The following ZRANB3 variants were observed in gnomAD, a reference collection of about 807,000 sequenced individuals.
ZRANB3 encodes DNA annealing helicase and endonuclease ZRANB3.
A neutral mutation model predicts 133.8 loss-of-function variants in ZRANB3; 125 were observed. That is an observed-to-expected ratio of 0.93 (90% CI 0.81 to 1.08). ZRANB3 has a LOEUF of 1.08. Ranked by LOEUF, ZRANB3 falls within the 50% of genes least tolerant of loss-of-function variation. ZRANB3 has a pLI of 0.00. For synonymous variants in ZRANB3, 387 were observed against 432.7 expected (o/e 0.89, Z 1.31); for missense variants, 1,229 against 1,275.5 (o/e 0.96, Z 0.56).
At chr2:135,316,829 G>C (rs940446039) in intron 6 of ZRANB3, among the ~76,000 whole-genome samples, 3 of 151,902 alleles carry the variant, frequency 2.0e-5, no homozygotes, top group African/African-American at 7.2e-5. Context: ...AGCCAGGCAT[G>C]GTGGTGTGTG....
intron 2 of ZRANB3, among the ~76,000 whole-genome samples, chr2:135,502,259 AAAG>A (rs931476667): frequency 6.6e-6 from 1 of 152,206 alleles, no homozygotes; most frequent in Non-Finnish European, 1.5e-5. Context: ...AGCTTCCAAA[AAAG>A]AAGACTTAAG....
chr2:135,524,843 T>A (rs1376016647), intron 1 of ZRANB3, among the ~76,000 whole-genome samples: 1 of 152,150 alleles, frequency 6.6e-6, no homozygotes, highest in Non-Finnish European at 1.5e-5. Context: ...AATTATTTAA[T>A]AAATGGTATT....
intron 3 of ZRANB3, among the ~76,000 whole-genome samples, chr2:135,367,693 T>G (rs1256455849): frequency 6.6e-6 from 1 of 152,220 alleles, no homozygotes; most frequent in Non-Finnish European, 1.5e-5. Flanking sequence ...AAATTGTTTC[T>G]GCATTAAACA....
chr2:135,348,257 T>C (rs1046966754), intron 5 of ZRANB3, among the ~76,000 whole-genome samples: 1 of 141,810 alleles, frequency 7.1e-6, no homozygotes, highest in Non-Finnish European at 1.5e-5. Flanking sequence ...AGACTCTGTC[T>C]CAAAAAAAAA....
intron 8 of ZRANB3, among the ~76,000 whole-genome samples, chr2:135,294,171 T>A (rs1253139599): frequency 6.6e-6 from 1 of 152,244 alleles, no homozygotes; most frequent in Admixed American, 6.5e-5. Flanking sequence ...GAAGGAATGG[T>A]ACCAGCTCTT....
intron 12 of ZRANB3, among the ~76,000 whole-genome samples, chr2:135,253,526 A>AGT (rs1301311144): frequency 6.6e-6 from 1 of 152,162 alleles, no homozygotes; most frequent in Non-Finnish European, 1.5e-5. Flanking sequence ...AACATCATAG[A>AGT]GTGTACTTCA....
chr2:135,497,089 C>T (rs997956588), intron 2 of ZRANB3, among the ~76,000 whole-genome samples: 5 of 151,946 alleles, frequency 3.3e-5, no homozygotes, highest in South Asian at 2.1e-4. Flanking sequence ...TACAGGACAC[C>T]GAAAGAGCAA....
intron 8 of ZRANB3, among the ~76,000 whole-genome samples, chr2:135,292,589 CTTTAG>C (rs1681811214): frequency 6.6e-6 from 1 of 152,160 alleles, no homozygotes; most frequent in South Asian, 2.1e-4. Flanking sequence ...TGCAGAAGCT[CTTTAG>C]TTTAATTAGA....
intron 2 of ZRANB3, among the ~76,000 whole-genome samples, chr2:135,405,302 G>C (rs903098754): frequency 1.3e-5 from 2 of 152,156 alleles, no homozygotes; most frequent in Non-Finnish European, 2.9e-5. Context: ...CAATACAGGA[G>C]CACCCAGATT....
chr2:135,526,336 G>T (rs551419038), intron 1 of ZRANB3, among the ~76,000 whole-genome samples: 1 of 151,936 alleles, frequency 6.6e-6, no homozygotes, highest in East Asian at 1.9e-4. Flanking sequence ...GCTAATTTTT[G>T]TATTTTGAGT....
At position 135,343,477 on chromosome 2, in the gene ZRANB3, TTAAG is replaced by T. The variant is rs1684787782; in HGVS notation, c.677+2069_677+2072del. 1.3e-5 allele frequency among the ~76,000 whole-genome samples: 2 copies of T among 149,746 alleles called. 1 individual carries two copies. The highest frequency in any genetic ancestry group is 5.1e-5 in the African/African-American group (2 of 39,166). ...TGTGCTATCTTGTCTGATTTTGGTA[TTAAG>T]TGTTAGACTGACTTCATAGAAACAA... On this transcript the variant is annotated intron_variant, in intron 6 of 20. Transcript: ENST00000264159.
intron 12 of ZRANB3, among the ~76,000 whole-genome samples, chr2:135,253,232 T>G (rs1679488540): frequency 6.6e-6 from 1 of 152,208 alleles, no homozygotes; most frequent in African/African-American, 2.4e-5. Flanking sequence ...TGGTAGGGCC[T>G]GCCAACGCAG....
intron 2 of ZRANB3, among the ~76,000 whole-genome samples, chr2:135,441,818 T>G (rs1689792687): frequency 6.6e-6 from 1 of 152,044 alleles, no homozygotes; most frequent in Non-Finnish European, 1.5e-5. Context: ...GGCTAAAAAT[T>G]TACATTGGTA....
intron 2 of ZRANB3, among the ~76,000 whole-genome samples, chr2:135,412,268 G>C (rs1434956800): frequency 1.3e-5 from 2 of 152,060 alleles, no homozygotes; most frequent in Non-Finnish European, 2.9e-5. Flanking sequence ...ACCTACAGCT[G>C]ATTAGTAGAC....
chr2:135,476,311 A>C lies in ZRANB3; in HGVS notation c.161+28018T>G, dbSNP rs142126950. Among the ~76,000 whole-genome samples the C allele has an allele frequency of 4.7e-4, 71 of 152,318 alleles. 2 individuals carry two copies. The East Asian group carries it at 0.013, about 29-fold the overall frequency. ...ATAAATAACATTGTATGTATGAGAA[A>C]GTTTCTTATTTGTTAGAGATTAAAA... is the stretch of plus-strand genomic sequence containing the variant. On this transcript the variant is annotated intron_variant, in intron 2 of 20. Coordinates refer to ENST00000264159, the MANE Select transcript of ZRANB3 (RefSeq NM_032143.4).
chr2:135,400,283 C>A (rs1687678308), intron 2 of ZRANB3, among the ~76,000 whole-genome samples: 1 of 151,646 alleles, frequency 6.6e-6, no homozygotes, highest in Non-Finnish European at 1.5e-5. Flanking sequence ...AAATAAATAA[C>A]ACCCTATTGG....
intron 2 of ZRANB3, among the ~76,000 whole-genome samples, chr2:135,426,329 A>G (rs1160314392): frequency 6.6e-6 from 1 of 152,148 alleles, no homozygotes; most frequent in African/African-American, 2.4e-5. Flanking sequence ...TCCCTAACTC[A>G]TTCTATGAGG....
At chr2:135,282,095 C>G (rs2104782461) in intron 8 of ZRANB3, among the ~76,000 whole-genome samples, 1 of 152,212 alleles carries the variant, frequency 6.6e-6, no homozygotes, top group South Asian at 2.1e-4. Context: ...TTTATTTACC[C>G]ATCAGTTGAT....
chr2:135,279,157 A>G (rs576433893), intron 8 of ZRANB3, among the ~76,000 whole-genome samples: 2 of 152,094 alleles, frequency 1.3e-5, no homozygotes, highest in Non-Finnish European at 2.9e-5. Flanking sequence ...TATTTTTTGG[A>G]TCTCTGGTCA....
Sources: allele counts gnomAD v4.1 joint callset (sites outside exome capture counted in the v4.1 genomes callset), GRCh38; gene constraint gnomAD v4.1.1; transcripts MANE v1.5; gene names NCBI Gene and HGNC (gene_info 2026-07-23, HGNC 2026-07-21).